Variants in LARP4 observed in about 807,000 individuals in gnomAD.
LARP4 encodes La ribonucleoprotein 4.
A neutral mutation model predicts 92.9 loss-of-function variants in LARP4; 29 were observed. That is an observed-to-expected ratio of 0.31 (90% CI 0.23 to 0.43). The LOEUF is 0.43. LARP4 is among the 20% of genes least tolerant of loss of function. The probability of loss-of-function intolerance (pLI) is 1.00; values close to 1 mark genes in which losing one functional copy is unlikely to be tolerated. For synonymous variants in LARP4, 279 were observed against 284.1 expected (o/e 0.98, Z 0.18); for missense variants, 732 against 860.0 (o/e 0.85, Z 1.86).
chr12:50,456,475 G>A (rs930290948), intron 10 of LARP4, among the ~76,000 whole-genome samples: 13 of 152,246 alleles, frequency 8.5e-5, no homozygotes, highest in African/African-American at 3.1e-4. Context: ...TCTAAAAAGT[G>A]ACTACTGCCA....
intron 8 of LARP4, among the ~76,000 whole-genome samples, chr12:50,450,429 C>T (rs1181481447): frequency 9.2e-5 from 14 of 152,076 alleles, no homozygotes; most frequent in Admixed American, 9.2e-4. Flanking sequence ...TGTTTCTAAG[C>T]TTTTTTAGAC....
chr12:50,452,133 C>T (rs1268273463), intron 8 of LARP4, among the ~76,000 whole-genome samples: 2 of 152,238 alleles, frequency 1.3e-5, no homozygotes, highest in Non-Finnish European at 2.9e-5. Context: ...TGCTGCAACA[C>T]AGACAGTAGT....
At chr12:50,418,360 G>C (rs898719090) in intron 1 of LARP4, among the ~76,000 whole-genome samples, 11 of 152,182 alleles carry the variant, frequency 7.2e-5, no homozygotes, top group African/African-American at 2.7e-4. Flanking sequence ...TTGGGTGGCA[G>C]AATAAAGTTT....
chr12:50,411,284 CA>C (rs2136405944), intron 1 of LARP4, among the ~76,000 whole-genome samples: 1 of 151,716 alleles, frequency 6.6e-6, no homozygotes, highest in African/African-American at 2.4e-5. Context: ...CTCCCTGGTT[CA>C]AGTGACTCTC....
At chr12:50,449,657 A>G (rs1952797833) in intron 8 of LARP4, among the ~76,000 whole-genome samples, 1 of 152,118 alleles carries the variant, frequency 6.6e-6, no homozygotes, top group African/African-American at 2.4e-5. Flanking sequence ...AGAGATTGCT[A>G]AAATTGTGGT....
chr12:50,415,151 C>T (rs924113145), intron 1 of LARP4, among the ~76,000 whole-genome samples: 9 of 151,986 alleles, frequency 5.9e-5, no homozygotes, highest in Non-Finnish European at 1.0e-4. Context: ...TGCAGTGAGC[C>T]GAGATCGTGC....
intron 10 of LARP4, 132 bp from the exon 11 acceptor site, chr12:50,461,003 A>G: frequency 1.4e-6 from 1 of 707,444 alleles, no homozygotes; most frequent in Non-Finnish European, 2.5e-6. Flanking sequence ...ACACTTTTAC[A>G]ACATTATTCT....
intron 10 of LARP4, among the ~76,000 whole-genome samples, chr12:50,455,843 T>G (rs1954129795): frequency 6.6e-6 from 1 of 151,954 alleles, no homozygotes; most frequent in South Asian, 2.1e-4. Context: ...GCTCAGGAGT[T>G]CAAGAGCAGC....
At chr12:50,403,437 A>G (rs1277647316) in intron 1 of LARP4, among the ~76,000 whole-genome samples, 1 of 152,232 alleles carries the variant, frequency 6.6e-6, no homozygotes, top group African/African-American at 2.4e-5. Context: ...ATTTATGCTC[A>G]TTACTTGCTA....
chr12:50,426,682 G>GGGGT (rs1555232584), intron 1 of LARP4, among the ~76,000 whole-genome samples: 5 of 104,144 alleles, frequency 4.8e-5, no homozygotes, highest in Admixed American at 9.3e-5. Context: ...CATTATGTTT[G>GGGGT]GGGTGTGTGT....
chr12:50,418,577 G>A (rs1010900263), intron 1 of LARP4, among the ~76,000 whole-genome samples: 2 of 151,950 alleles, frequency 1.3e-5, no homozygotes, highest in Non-Finnish European at 2.9e-5. Flanking sequence ...GTGCCAACAC[G>A]CCTCGCTAAT....
intron 14 of LARP4, 96 bp from the exon 15 acceptor site, chr12:50,473,903 C>T: frequency 2.0e-6 from 2 of 1,007,082 alleles, no homozygotes; most frequent in Non-Finnish European, 3.0e-6. Flanking sequence ...GAGTGAGACT[C>T]CGTCTCAAAA....
intron 13 of LARP4, among the ~76,000 whole-genome samples, chr12:50,469,557 T>G (rs1448558504): frequency 6.9e-6 from 1 of 145,616 alleles, no homozygotes; most frequent in Non-Finnish European, 1.5e-5. Context: ...TGACCTGAGA[T>G]TGCGCCACTG....
intron 6 of LARP4, 45 bp from the exon 7 acceptor site, chr12:50,440,394 A>G (rs750151363): frequency 1.5e-6 from 2 of 1,366,008 alleles, no homozygotes; most frequent in South Asian, 2.3e-5. Context: ...AATGCCAATT[A>G]TTGATGTATT....
At chr12:50,436,157 T>G (rs943368421) in intron 5 of LARP4, among the ~76,000 whole-genome samples, 23 of 82,286 alleles carry the variant, frequency 2.8e-4, no homozygotes, top group Admixed American at 4.6e-4. Context: ...CCCGCTGGGG[T>G]GTGTGTGTGT....
chr12:50,414,493 G>T (rs951673681), intron 1 of LARP4, among the ~76,000 whole-genome samples: 2 of 152,172 alleles, frequency 1.3e-5, no homozygotes, highest in African/African-American at 4.8e-5. Flanking sequence ...TGTAAAGACA[G>T]GGTTTCACTG....
At chr12:50,432,049 T>C (rs1337027251) in intron 4 of LARP4, among the ~76,000 whole-genome samples, 2 of 148,230 alleles carry the variant, frequency 1.3e-5, no homozygotes, top group African/African-American at 2.5e-5. Context: ...GGCAGGAGAA[T>C]TGCTTGAACC....
At chr12:50,436,726 C>A (rs1402435180) in intron 5 of LARP4, among the ~76,000 whole-genome samples, 1 of 152,016 alleles carries the variant, frequency 6.6e-6, no homozygotes, top group Non-Finnish European at 1.5e-5. Context: ...AACTATTTGA[C>A]TGAATAAGGC....
intron 4 of LARP4, among the ~76,000 whole-genome samples, chr12:50,431,388 AAG>A (rs1949637733): frequency 6.6e-6 from 1 of 152,186 alleles, no homozygotes; most frequent in African/African-American, 2.4e-5. Context: ...AATTGACAAA[AAG>A]TTATTTCTTA....
Sources: gnomAD v4.1 joint callset for allele counts (sites outside exome capture counted in the v4.1 genomes callset) on GRCh38, gnomAD v4.1.1 for gene constraint, MANE v1.5 for transcripts, NCBI Gene and HGNC (gene_info 2026-07-23, HGNC 2026-07-21) for gene names.